Variants in HACD2 observed in about 807,000 individuals in gnomAD.
The protein encoded by HACD2 is very-long-chain (3R)-3-hydroxyacyl-CoA dehydratase 2.
Under a neutral mutation model 31.0 loss-of-function variants are expected in HACD2, and 15 were observed. The ratio of observed to expected loss-of-function variants is 0.48; its 90% CI spans 0.32 to 0.75. The LOEUF is 0.75. Ranked by LOEUF, HACD2 falls within the 30% of genes least tolerant of loss-of-function variation. The pLI is 0.03. For synonymous variants in HACD2, 115 were observed against 122.2 expected (o/e 0.94, Z 0.39); for missense variants, 283 against 313.0 (o/e 0.90, Z 0.72).
chr3:123,551,696 T>C (rs957203740), intron 3 of HACD2, among the ~76,000 whole-genome samples: 9 of 152,092 alleles, frequency 5.9e-5, no homozygotes, highest in South Asian at 4.1e-4. Context: ...GAAGTCTATA[T>C]TAGTAAAAGC....
intron 6 of HACD2, among the ~76,000 whole-genome samples, chr3:123,495,378 A>C (rs981922415): frequency 4.6e-5 from 7 of 152,162 alleles, no homozygotes; most frequent in Admixed American, 4.6e-4. Context: ...AGCCCCAGAG[A>C]GGGTAAGCAA....
At chr3:123,539,597 T>C (rs1005107269) in intron 3 of HACD2, among the ~76,000 whole-genome samples, 4 of 151,480 alleles carry the variant, frequency 2.6e-5, no homozygotes, top group African/African-American at 9.7e-5. Flanking sequence ...AAAAAACGTA[T>C]GGTAGAAGTC....
chr3:123,566,170 T>G (rs1472370057), intron 3 of HACD2, among the ~76,000 whole-genome samples: 2 of 152,118 alleles, frequency 1.3e-5, no homozygotes, highest in African/African-American at 4.8e-5. Context: ...CCCCTCCAAA[T>G]AAACACAGAA....
At chr3:123,503,006 G>A (rs2055924198) in intron 4 of HACD2, 1 of 223,768 alleles carries the variant, frequency 4.5e-6, no homozygotes, top group South Asian at 8.6e-5. Context: ...GGTCACGCCT[G>A]TAATCCCAGC....
intron 2 of HACD2, among the ~76,000 whole-genome samples, chr3:123,580,426 TG>T (rs907864861): frequency 2.5e-4 from 38 of 151,218 alleles, no homozygotes; most frequent in African/African-American, 5.6e-4. Flanking sequence ...CAGTGAGCAG[TG>T]ATCACACCAC....
intron 5 of HACD2, among the ~76,000 whole-genome samples, chr3:123,501,489 A>G (rs2107680570): frequency 6.6e-6 from 1 of 152,354 alleles, no homozygotes; most frequent in African/African-American, 2.4e-5. Flanking sequence ...GCAACGGACT[A>G]CAAACTTCTG....
At position 123,582,341 on chromosome 3, in the gene HACD2, G is replaced by C. The variant is rs955187414; in HGVS notation, c.156-12C>G. The C allele has an allele frequency of 1.3e-6, 2 of 1,523,170 alleles. No individual in the cohort carries two copies. The highest frequency in any genetic ancestry group is 1.8e-6 in the Non-Finnish European group (2 of 1,128,168). The allele number at this position is 1,523,170 out of a possible 1,614,324, so 94.4% of individuals were successfully genotyped here. On this transcript the variant is annotated splice_polypyrimidine_tract_variant and intron_variant, in intron 1 of 6. Coordinates refer to ENST00000383657, the MANE Select transcript of HACD2 (RefSeq NM_198402.5). ...CTATAACCAGCCACCTAGTAAAAGA[G>C]AAAACAGCAATCAGGAAAAAATAAA...
At chr3:123,536,867 T>C (rs1357608995) in intron 3 of HACD2, among the ~76,000 whole-genome samples, 1 of 152,110 alleles carries the variant, frequency 6.6e-6, no homozygotes. Context: ...AATACTACAA[T>C]AAGGCAAAAG....
At chr3:123,580,058 C>T (rs570127261) in intron 2 of HACD2, among the ~76,000 whole-genome samples, 1 of 152,054 alleles carries the variant, frequency 6.6e-6, no homozygotes, top group Non-Finnish European at 1.5e-5. Context: ...CATCATACCA[C>T]CTACTTAAAA....
intron 3 of HACD2, among the ~76,000 whole-genome samples, chr3:123,539,293 G>C (rs141972805): frequency 6.6e-6 from 1 of 152,142 alleles, no homozygotes; most frequent in African/African-American, 2.4e-5. Flanking sequence ...ATATGGGGCC[G>C]GCTTGGTGAT....
At chr3:123,545,286 C>G (rs113600237) in intron 3 of HACD2, among the ~76,000 whole-genome samples, 21,377 of 149,624 alleles carry the variant, frequency 0.14, 2,142 homozygotes, top group African/African-American at 0.28. Flanking sequence ...GTTTGAGACT[C>G]GCCTGGTCAA....
intron 3 of HACD2, among the ~76,000 whole-genome samples, chr3:123,542,165 A>AAAAAAAG (rs1559919253): frequency 1.3e-4 from 20 of 148,372 alleles, no homozygotes; most frequent in African/African-American, 4.8e-4. Context: ...AAAAAAAAAA[A>AAAAAAAG]AAAAAAGAAT....
chr3:123,560,593 A>G (rs959921217), intron 3 of HACD2, among the ~76,000 whole-genome samples: 2 of 152,166 alleles, frequency 1.3e-5, no homozygotes, highest in African/African-American at 4.8e-5. Flanking sequence ...TTAAATCTGA[A>G]TAAGAAATGT....
chr3:123,509,764 A>G (rs190958519), intron 4 of HACD2, among the ~76,000 whole-genome samples: 32 of 152,084 alleles, frequency 2.1e-4, no homozygotes, highest in East Asian at 7.8e-4. Flanking sequence ...CTCCTAAAGT[A>G]CTGGGATTAC....
chr3:123,556,483 G>A (rs1248981559), intron 3 of HACD2, among the ~76,000 whole-genome samples: 1 of 151,748 alleles, frequency 6.6e-6, no homozygotes, highest in Non-Finnish European at 1.5e-5. Context: ...TATTTTCAGG[G>A]TACATGTGAT....
chr3:123,557,247 C>T (rs2056682387), intron 3 of HACD2, among the ~76,000 whole-genome samples: 1 of 152,160 alleles, frequency 6.6e-6, no homozygotes, highest in Non-Finnish European at 1.5e-5. Context: ...AGGTTGAGTG[C>T]TCCTTATGAG....
At chr3:123,582,395 C>G (rs820469) in intron 1 of HACD2, 66 bp from the exon 2 acceptor site, 256,744 of 1,078,550 alleles carry the variant, frequency 0.24, 46,169 homozygotes, top group African/African-American at 0.77. Context: ...TAGGTTAACA[C>G]ACAGCTGTGG....
Position 123,584,855 on chromosome 3 carries a change from C to T in HACD2, c.155+18G>A. ...CCCGGCCGCGCTGGCTCCCCGCCTC[C>T]CCGAGCCCCAGCCTCACCCGGCTGT... On this transcript the variant is annotated intron_variant, in intron 1 of 6. Coordinates refer to ENST00000383657, the MANE Select transcript of HACD2 (RefSeq NM_198402.5). 6.7e-6 allele frequency: 10 copies of T among 1,485,104 alleles called. No homozygotes were observed. The highest frequency in any genetic ancestry group is 1.3e-5 in the South Asian group (1 of 77,660). The allele number at this position is 1,485,104 out of a possible 1,614,324, so 92.0% of individuals were successfully genotyped here.
chr3:123,581,278 T>C (rs2056964270), intron 2 of HACD2, among the ~76,000 whole-genome samples: 1 of 152,192 alleles, frequency 6.6e-6, no homozygotes, highest in Admixed American at 6.5e-5. Context: ...ATATACGAAC[T>C]ATGGCGGCTA....
Sources: gnomAD v4.1 joint callset for allele counts (sites outside exome capture counted in the v4.1 genomes callset) on GRCh38, gnomAD v4.1.1 for gene constraint, MANE v1.5 for transcripts, NCBI Gene and HGNC (gene_info 2026-07-23, HGNC 2026-07-21) for gene names.